BSPH1: variants seen among roughly 807,000 people sequenced by gnomAD.
The protein encoded by BSPH1 is binder of sperm protein homolog 1.
BSPH1 carries 21 observed loss-of-function variants against 22.5 expected under a neutral mutation model. The observed-to-expected ratio is 0.93, with a 90% CI of 0.66 to 1.35. The LOEUF is 1.35. Ranked by LOEUF, BSPH1 falls within the 40% of genes most tolerant of loss-of-function variation. The pLI is 0.00. For synonymous variants in BSPH1, 42 were observed against 53.6 expected, an observed-to-expected ratio of 0.78 and a Z score of 0.95; for missense variants, 141 against 154.2, an observed-to-expected ratio of 0.91 and a Z score of 0.45.
At chr19:47,979,269 C>T (rs191859930) in intron 3 of BSPH1, among the ~76,000 whole-genome samples, 2 of 151,854 alleles carry the variant, frequency 1.3e-5, no homozygotes, top group African/African-American at 4.8e-5. Flanking sequence ...AAATATTTCT[C>T]TACTACAGCA....
rs66621103 is a variant in BSPH1, at chr19:47,984,151, G to GAA, written c.74-3212_74-3211dup. Among the ~76,000 whole-genome samples the GAA allele has an allele frequency of 2.0e-3, 274 of 138,638 alleles. 2 individuals are homozygous for GAA. The highest frequency in any genetic ancestry group is 5.0e-3 in the African/African-American group (192 of 38,616). The allele number at this position is 138,638 out of a possible 152,430, so 91.0% of individuals were successfully genotyped here. On this transcript the variant is annotated intron_variant, in intron 1 of 5. Transcript: ENST00000344839. ...TGTAAGCCACCATGCCTGGCTTGAA[G>GAA]AAAAAAAAAAAAATATATATATATA...
chr19:47,986,056 G>T (rs766730867), intron 1 of BSPH1, among the ~76,000 whole-genome samples: 7 of 152,144 alleles, frequency 4.6e-5, no homozygotes, highest in Non-Finnish European at 1.0e-4. Flanking sequence ...CCAGAGGAGG[G>T]AGGAGTCTGG....
Position 47,976,821 on chromosome 19 carries a change from C to G in BSPH1, c.290G>C (p.Arg97Thr). Residue 97 changes from arginine to threonine, a missense_variant, in exon 5 of 6, where the codon AGA becomes ACA. Coordinates refer to ENST00000344839, the MANE Select transcript of BSPH1 (RefSeq NM_001128326.2). The part of the protein sequence containing the change: ...FANCVFPFWY[R>T]RLIYWECTDD... ...AGTACACTCCCAGTAGATCAAGCGT[C>G]TGTACCAGAAGGGAAATACACAGTT... is the stretch of plus-strand genomic sequence containing the variant. 1 of 1,551,758 alleles carries G rather than the reference C, an allele frequency of 6.4e-7. No homozygotes were observed. Among genetic ancestry groups the G allele is most frequent in the South Asian group, 1.2e-5 (1 of 84,058 alleles).
At chr19:47,980,110 G>A (rs1969404604) in intron 2 of BSPH1, among the ~76,000 whole-genome samples, 1 of 152,058 alleles carries the variant, frequency 6.6e-6, no homozygotes, top group Non-Finnish European at 1.5e-5. Context: ...ACCTAAAATA[G>A]TGTTAATGTA....
chr19:47,969,692 A>AGAGG lies in BSPH1; in HGVS notation c.*3-1484_*3-1483insCCTC, dbSNP rs1424635951. Among the ~76,000 whole-genome samples, 233 of 53,476 alleles carry AGAGG rather than the reference A, an allele frequency of 4.4e-3. 4 individuals are homozygous for AGAGG. In the East Asian group the frequency reaches 0.062, roughly 14 times the overall value. 35.1% of individuals were successfully genotyped at this position (53,476 alleles called of 152,430 possible). A position where few individuals can be genotyped will look rare whatever the true frequency, so the allele number is the denominator to read the frequency against. On this transcript the variant is annotated intron_variant, in intron 5 of 5. Coordinates refer to ENST00000344839, the MANE Select transcript of BSPH1 (RefSeq NM_001128326.2). The stretch of plus-strand genomic sequence containing the variant: ...GTAAGGCAGGGAGAGGGGGAGAGAG[A>AGAGG]GAGAGAGAGAGAGAGAGAGAGAGAG...
intron 1 of BSPH1, 30 bp from the exon 2 acceptor site, chr19:47,980,971 A>T: frequency 7.9e-7 from 1 of 1,265,702 alleles, no homozygotes; most frequent in African/African-American, 1.5e-5. Flanking sequence ...ACAAATATTT[A>T]TGTCACTTTA....
chr19:47,973,829 C>T (rs1969334750), intron 5 of BSPH1, among the ~76,000 whole-genome samples: 1 of 152,184 alleles, frequency 6.6e-6, no homozygotes, highest in Non-Finnish European at 1.5e-5. Context: ...CCTGCTTCTC[C>T]TTTCATTCAC....
intron 5 of BSPH1, among the ~76,000 whole-genome samples, chr19:47,972,935 C>T (rs920593133): frequency 4.8e-5 from 7 of 147,314 alleles, no homozygotes; most frequent in East Asian, 2.1e-4. Context: ...ATAATGTAGG[C>T]GGCCGGGCGC....
chr19:47,978,001 G>GATATATATATAGAT (rs1969382236), intron 3 of BSPH1, among the ~76,000 whole-genome samples: 1 of 110,458 alleles, frequency 9.1e-6, no homozygotes, highest in Non-Finnish European at 1.9e-5. Context: ...GTTAATACAG[G>GATATATATATAGAT]ATATATATAT....
intron 3 of BSPH1, among the ~76,000 whole-genome samples, chr19:47,978,291 GA>G (rs1969387327): frequency 6.6e-6 from 1 of 151,896 alleles, no homozygotes; most frequent in African/African-American, 2.4e-5. Context: ...TTTTTGTAGA[GA>G]TGAGATCTCA....
chr19:47,983,553 C>T (rs149280852), intron 1 of BSPH1, among the ~76,000 whole-genome samples: 1 of 152,254 alleles, frequency 6.6e-6, no homozygotes, highest in African/African-American at 2.4e-5. Context: ...ATATCATAAA[C>T]ACAGTGCACC....
At chr19:47,969,555 A>T (rs1969289706) in intron 5 of BSPH1, among the ~76,000 whole-genome samples, 1 of 152,168 alleles carries the variant, frequency 6.6e-6, no homozygotes, top group South Asian at 2.1e-4. Context: ...CAAATGGAGA[A>T]AAATGTAATA....
intron 5 of BSPH1, among the ~76,000 whole-genome samples, chr19:47,974,098 C>T (rs1312656835): frequency 6.6e-6 from 1 of 152,066 alleles, no homozygotes; most frequent in African/African-American, 2.4e-5. Flanking sequence ...CATGCACCTC[C>T]CGGCTCTCTC....
intron 1 of BSPH1, among the ~76,000 whole-genome samples, chr19:47,987,730 GT>G (rs565032416): frequency 5.6e-4 from 86 of 152,236 alleles, no homozygotes; most frequent in African/African-American, 1.9e-3. Flanking sequence ...AGGGCTGGGT[GT>G]GGTGGCTCAC....
rs62131764 is a variant in BSPH1 at position 47,976,020 on chromosome 19, G to C, written c.*2+690C>G. On this transcript the variant is annotated intron_variant, in intron 5 of 5. Coordinates refer to ENST00000344839, the MANE Select transcript of BSPH1 (RefSeq NM_001128326.2). ...TTTTAAGTCACAGAAAAATTGAGTA[G>C]TAGGTATAAAAATTTCCATGTACAC... Among the ~76,000 whole-genome samples, 587 of 152,272 alleles carry C rather than the reference G, an allele frequency of 3.9e-3. 3 individuals are homozygous for C. Among genetic ancestry groups the C allele is most frequent in the South Asian group, 0.012 (57 of 4,828 alleles).
chr19:47,967,900 A>G (rs1295709883), downstream of BSPH1: 1 of 152,136 alleles, frequency 6.6e-6, no homozygotes, highest in Non-Finnish European at 1.5e-5. Flanking sequence ...TTGAAGGGGA[A>G]GTCATTGATT....
chr19:47,975,691 T>C (rs1281462135), intron 5 of BSPH1, among the ~76,000 whole-genome samples: 2 of 146,956 alleles, frequency 1.4e-5, no homozygotes, highest in Admixed American at 1.4e-4. Context: ...AGTCTCGCTC[T>C]GACACCCAGG....
At chr19:47,969,884 T>G (rs766506744) in intron 5 of BSPH1, among the ~76,000 whole-genome samples, 40 of 150,756 alleles carry the variant, frequency 2.7e-4, no homozygotes, top group Non-Finnish European at 4.4e-4. Context: ...GAATTTATTT[T>G]TGTGTGTGTG....
At chr19:47,982,161 A>G (rs1280750410) in intron 1 of BSPH1, among the ~76,000 whole-genome samples, 1 of 152,232 alleles carries the variant, frequency 6.6e-6, no homozygotes, top group Non-Finnish European at 1.5e-5. Flanking sequence ...AAATTTACAA[A>G]TGTCATGTTT....
Sources: gnomAD v4.1 joint callset for allele counts (sites outside exome capture counted in the v4.1 genomes callset) on GRCh38, gnomAD v4.1.1 for gene constraint, MANE v1.5 for transcripts, NCBI Gene and HGNC (gene_info 2026-07-23, HGNC 2026-07-21) for gene names.